MAD1L1: variants seen among roughly 807,000 people sequenced by gnomAD.
MAD1L1 encodes mitotic arrest deficient 1 like 1, also known as mitotic spindle assembly checkpoint protein MAD1.
Under a neutral mutation model 96.9 loss-of-function variants are expected in MAD1L1, and 95 were observed. That is an observed-to-expected ratio of 0.98 (90% CI 0.83 to 1.16). The LOEUF (loss-of-function observed/expected upper bound fraction) is 1.16, where lower values mean the gene tolerates loss of function less well. MAD1L1 is among the 50% of genes most tolerant of loss of function. The probability of loss-of-function intolerance (pLI) is 0.00; values close to 1 mark genes in which losing one functional copy is unlikely to be tolerated. For missense variants in MAD1L1, 1,007 were observed against 954.4 expected, an observed-to-expected ratio of 1.06 and a Z score of -0.73; for synonymous variants, 473 against 396.6, an observed-to-expected ratio of 1.19 and a Z score of -2.29.
chr7:1,883,988 C>T (rs1216943510), intron 18 of MAD1L1, among the ~76,000 whole-genome samples: 4 of 152,188 alleles, frequency 2.6e-5, no homozygotes, highest in East Asian at 1.9e-4. Context: ...GCAGGCCCCG[C>T]GCTGCACAGT....
intron 11 of MAD1L1, among the ~76,000 whole-genome samples, chr7:2,090,117 G>A (rs1003744762): frequency 2.0e-5 from 3 of 152,214 alleles, no homozygotes; most frequent in Admixed American, 2.0e-4. Flanking sequence ...TCACCGCCAG[G>A]GACTCCTCAC....
intron 18 of MAD1L1, among the ~76,000 whole-genome samples, chr7:1,885,744 G>C (rs73046395): frequency 6.6e-6 from 1 of 152,210 alleles, no homozygotes; most frequent in African/African-American, 2.4e-5. Flanking sequence ...GCAGATCCCC[G>C]AGGGCTCGGC....
chr7:1,941,307 G>A (rs1778986547), intron 16 of MAD1L1, among the ~76,000 whole-genome samples: 1 of 151,974 alleles, frequency 6.6e-6, no homozygotes, highest in Non-Finnish European at 1.5e-5. Flanking sequence ...CCCCCAGCCA[G>A]GGTGCCCCAC....
chr7:2,122,363 C>T (rs953082162), intron 11 of MAD1L1, among the ~76,000 whole-genome samples: 112 of 152,310 alleles, frequency 7.4e-4, no homozygotes, highest in African/African-American at 2.6e-3. Flanking sequence ...TGCAGTGGTT[C>T]ACGCTTGTAA....
Position 1,854,236 on chromosome 7 carries a change from G to T in MAD1L1, c.1999-38008C>A, listed in dbSNP as rs139914055. On this transcript the variant is annotated intron_variant, in intron 18 of 18. Transcript: ENST00000265854. ...GACAGGCCGCACCCACCATGGCCCC[G>T]GTGCCTCGGTGTTGGGTACTGAGCC... 262 of 346,130 alleles carry T rather than the reference G, an allele frequency of 7.6e-4. 1 individual carries two copies. The highest frequency in any genetic ancestry group is 5.2e-3 in the African/African-American group (241 of 46,358). The allele number at this position is 346,130 out of a possible 1,614,324, so 21.4% of individuals were successfully genotyped here. A position where few individuals can be genotyped will look rare whatever the true frequency, so the allele number is the denominator to read the frequency against.
At chr7:1,887,855 G>GCATGCGTGGTTGCGGCTGCC (rs1786201964) in intron 18 of MAD1L1, among the ~76,000 whole-genome samples, 1 of 26,992 alleles carries the variant, frequency 3.7e-5, no homozygotes. Context: ...GTGCGTGTGT[G>GCATGCGTGGTTGCGGCTGCC]TGTGCACGTG....
chr7:2,220,997 G>T (rs759922364), intron 5 of MAD1L1: 2 of 1,612,524 alleles, frequency 1.2e-6, no homozygotes, highest in South Asian at 2.2e-5. Flanking sequence ...GATAATTCCA[G>T]AGTAAGGAGC....
At chr7:2,219,142 G>A (rs1047616663) in intron 6 of MAD1L1, among the ~76,000 whole-genome samples, 190 bp downstream of exon 6, 2 of 152,146 alleles carry the variant, frequency 1.3e-5, no homozygotes, top group Non-Finnish European at 2.9e-5. Flanking sequence ...TCTGCTCCAG[G>A]AACATCAGGA....
At chr7:1,956,954 G>A (rs1256162379) in intron 16 of MAD1L1, among the ~76,000 whole-genome samples, 1 of 152,234 alleles carries the variant, frequency 6.6e-6, no homozygotes, top group Non-Finnish European at 1.5e-5. Flanking sequence ...GGGCACCAAG[G>A]AGCAGGGTTC....
At chr7:2,115,017 G>A (rs1787591553) in intron 11 of MAD1L1, among the ~76,000 whole-genome samples, 1 of 152,228 alleles carries the variant, frequency 6.6e-6, no homozygotes, top group Non-Finnish European at 1.5e-5. Context: ...GAAGAGCAGA[G>A]CGCCTGGGAG....
intron 18 of MAD1L1, among the ~76,000 whole-genome samples, chr7:1,842,430 T>C (rs2059339933): frequency 6.6e-6 from 1 of 152,196 alleles, no homozygotes; most frequent in African/African-American, 2.4e-5. Context: ...GCCCTGCACT[T>C]AGGATCCAAA....
chr7:1,858,475 C>T (rs926273165), intron 18 of MAD1L1, among the ~76,000 whole-genome samples: 4 of 152,230 alleles, frequency 2.6e-5, no homozygotes, highest in South Asian at 2.1e-4. Flanking sequence ...GTGGCGTCCA[C>T]GGCGTCTCCG....
chr7:2,139,139 G>A (rs1788899914), intron 11 of MAD1L1, among the ~76,000 whole-genome samples: 1 of 152,066 alleles, frequency 6.6e-6, no homozygotes, highest in Non-Finnish European at 1.5e-5. Flanking sequence ...AGCCCACCCA[G>A]ACAGGGCGAG....
chr7:1,873,796 G>A (rs560437543), intron 18 of MAD1L1, among the ~76,000 whole-genome samples: 9 of 152,128 alleles, frequency 5.9e-5, no homozygotes, highest in South Asian at 2.1e-4. Context: ...GTGGGGAGAC[G>A]TGTGTTTGGG....
chr7:1,937,297 C>T (rs1257090850), intron 16 of MAD1L1, among the ~76,000 whole-genome samples: 1 of 152,180 alleles, frequency 6.6e-6, no homozygotes, highest in African/African-American at 2.4e-5. Flanking sequence ...GCCATGTTCC[C>T]ATCTCTTCCC....
intron 18 of MAD1L1, among the ~76,000 whole-genome samples, chr7:1,891,301 G>T (rs749782646): frequency 3.6e-4 from 54 of 152,036 alleles, no homozygotes; most frequent in Non-Finnish European, 6.0e-4. Context: ...CGAGGAGGGA[G>T]GATCACCAGG....
At chr7:2,225,661 G>A (rs1270934669) in intron 3 of MAD1L1, 111 bp from the exon 4 acceptor site, 16 of 1,230,580 alleles carry the variant, frequency 1.3e-5, no homozygotes, top group East Asian at 5.0e-5. Context: ...CGCAGGTCCC[G>A]TGCTAAGTCT....
intron 10 of MAD1L1, chr7:2,201,941 C>T (rs1792329193): frequency 6.6e-6 from 1 of 152,456 alleles, no homozygotes. Context: ...GGGGCACAGG[C>T]TGCACCCCAG....
chr7:2,168,168 C>T lies in MAD1L1; in HGVS notation c.987-18930G>A, dbSNP rs369541907. ...GGCGTGGTGGTGGGTGCCTGTAGTC[C>T]CAGCTACTCGGGAGGCTGAGGCAGG... On this transcript the variant is annotated intron_variant, in intron 10 of 18. Transcript: ENST00000265854. Among the ~76,000 whole-genome samples the T allele has an allele frequency of 1.9e-4, 29 of 152,194 alleles. No homozygotes were observed. In the East Asian group the frequency reaches 2.3e-3, roughly 12 times the overall value.
Sources: allele counts gnomAD v4.1 joint callset (sites outside exome capture counted in the v4.1 genomes callset), GRCh38; gene constraint gnomAD v4.1.1; transcripts MANE v1.5; gene names NCBI Gene and HGNC (gene_info 2026-07-23, HGNC 2026-07-21).